The following STK4 variants were observed in gnomAD, a reference collection of about 807,000 sequenced individuals.
The protein encoded by STK4 is serine/threonine kinase 4.
A neutral mutation model predicts 64.9 loss-of-function variants in STK4; 30 were observed. That is an observed-to-expected ratio of 0.46 (90% CI 0.35 to 0.63). The LOEUF is 0.63. STK4 is among the 20% of genes least tolerant of loss of function. The probability of loss-of-function intolerance (pLI) is 0.01; values close to 1 mark genes in which losing one functional copy is unlikely to be tolerated. For missense variants in STK4, 466 were observed against 598.5 expected, an observed-to-expected ratio of 0.78 and a Z score of 2.31; for synonymous variants, 177 against 199.0, an observed-to-expected ratio of 0.89 and a Z score of 0.93.
At chr20:45,008,027 C>T (rs1338697213) in intron 9 of STK4, among the ~76,000 whole-genome samples, 1 of 152,166 alleles carries the variant, frequency 6.6e-6, no homozygotes, top group African/African-American at 2.4e-5. Flanking sequence ...AGAATTATGG[C>T]CTCCAGCTCC....
intron 10 of STK4, among the ~76,000 whole-genome samples, chr20:45,051,953 C>T (rs781427982): frequency 6.6e-6 from 1 of 152,130 alleles, no homozygotes; most frequent in Non-Finnish European, 1.5e-5. Context: ...ATAGGGCTGT[C>T]GTGAGTATCA....
At position 45,041,077 on chromosome 20, in the gene STK4, A is replaced by T. The variant is rs147141797; in HGVS notation, c.1305+15947A>T. On this transcript the variant is annotated intron_variant, in intron 10 of 10. Transcript: ENST00000372806. Reference sequence around the variant, plus strand: ...TTATTATATGTTAAAGCTACTGGGAATAATTTCTACGTGGTTATGCCACAA... The same window carrying T: ...TTATTATATGTTAAAGCTACTGGGATTAATTTCTACGTGGTTATGCCACAA... Among the ~76,000 whole-genome samples, 820 of 152,362 alleles carry T rather than the reference A, an allele frequency of 5.4e-3. 9 individuals are homozygous for T. The highest frequency in any genetic ancestry group is 0.017 in the African/African-American group (724 of 41,594).
At chr20:44,985,424 A>T (rs1193498001) in intron 4 of STK4, among the ~76,000 whole-genome samples, 1 of 151,758 alleles carries the variant, frequency 6.6e-6, no homozygotes, top group Non-Finnish European at 1.5e-5. Flanking sequence ...GCTCACTGCA[A>T]TCTCCGCCTC....
chr20:44,971,592 T>C (rs2067246620), intron 1 of STK4, among the ~76,000 whole-genome samples: 1 of 151,950 alleles, frequency 6.6e-6, no homozygotes, highest in African/African-American at 2.4e-5. Flanking sequence ...TTTTAATTCA[T>C]GAAATCTCAA....
At chr20:44,986,264 C>T (rs1033578481) in intron 4 of STK4, among the ~76,000 whole-genome samples, 1 of 152,034 alleles carries the variant, frequency 6.6e-6, no homozygotes, top group African/African-American at 2.4e-5. Flanking sequence ...AGTAAGAAAG[C>T]CCTCTCCATT....
At chr20:45,007,871 G>A (rs750930553) in intron 9 of STK4, 89 of 329,910 alleles carry the variant, frequency 2.7e-4, no homozygotes, top group Non-Finnish European at 5.0e-4. Context: ...CTAGTTTTTC[G>A]ACCCATGGTC....
intron 5 of STK4, among the ~76,000 whole-genome samples, chr20:44,992,211 C>T (rs181098463): frequency 1.3e-5 from 2 of 151,710 alleles, no homozygotes; most frequent in Admixed American, 1.3e-4. Flanking sequence ...TTCTCCTTAA[C>T]ATTATAGAAT....
intron 2 of STK4, 116 bp downstream of exon 2, chr20:44,972,274 T>C (rs2067261469): frequency 1.1e-6 from 1 of 871,096 alleles, no homozygotes; most frequent in Admixed American, 2.3e-5. Flanking sequence ...AAGGTAAATT[T>C]ACAGCTTGTG....
rs549185434 is a variant in STK4, at chr20:44,992,272, T to A, written c.526-2818T>A. ...TTATTATTTTATTTTATTTTATTTT[T>A]TTTTGAGACAAGGTCTTGCCCTGGC... On this transcript the variant is annotated intron_variant, in intron 5 of 10. Transcript: ENST00000372806. 1.2e-4 allele frequency among the ~76,000 whole-genome samples: 18 copies of A among 151,534 alleles called. No homozygotes were observed. The East Asian group carries it at 1.4e-3, about 11-fold the overall frequency.
chr20:44,978,628 T>C, intron 3 of STK4, 57 bp downstream of exon 3: 2 of 1,576,834 alleles, frequency 1.3e-6, no homozygotes, highest in Non-Finnish European at 1.7e-6. Flanking sequence ...GCTATGATTG[T>C]GTAGAGTTTG....
At chr20:44,983,869 C>G (rs2067482545) in intron 4 of STK4, among the ~76,000 whole-genome samples, 2 of 152,038 alleles carry the variant, frequency 1.3e-5, no homozygotes, top group Non-Finnish European at 2.9e-5. Flanking sequence ...TTGGATTATT[C>G]ATATACTATC....
chr20:44,985,370 C>T (rs891396944), intron 4 of STK4, among the ~76,000 whole-genome samples: 4 of 152,078 alleles, frequency 2.6e-5, no homozygotes, highest in Non-Finnish European at 4.4e-5. Flanking sequence ...ATTTTTGAGA[C>T]AGAGTCTGGC....
At chr20:44,991,422 G>C (rs761360103) in intron 5 of STK4, among the ~76,000 whole-genome samples, 31 of 152,210 alleles carry the variant, frequency 2.0e-4, no homozygotes, top group Non-Finnish European at 4.0e-4. Context: ...TATTGGCAAA[G>C]TGCTTTTGAT....
chr20:45,030,359 C>T (rs2068423045), intron 10 of STK4, among the ~76,000 whole-genome samples: 1 of 152,206 alleles, frequency 6.6e-6, no homozygotes, highest in South Asian at 2.1e-4. Flanking sequence ...TCTCTTTGGC[C>T]TCCCAAAGTG....
intron 9 of STK4, among the ~76,000 whole-genome samples, chr20:45,010,017 ATTTC>A (rs34629627): frequency 0.25 from 37,294 of 151,768 alleles, 5,369 homozygotes; most frequent in Middle Eastern, 0.42. Flanking sequence ...AGTGCATTTT[ATTTC>A]TTTCTTTTGC....
chr20:44,972,474 T>C (rs980320502), intron 2 of STK4: 5 of 194,384 alleles, frequency 2.6e-5, no homozygotes, highest in Middle Eastern at 2.0e-3. Flanking sequence ...AATTTCTGAT[T>C]GGTATGCAAT....
At chr20:45,059,847 G>A (rs186515681) in intron 10 of STK4, among the ~76,000 whole-genome samples, 17 of 151,944 alleles carry the variant, frequency 1.1e-4, no homozygotes, top group African/African-American at 4.1e-4. Context: ...TTTGATTTTG[G>A]TATGCATGGA....
At chr20:44,997,430 G>A (rs925645063) in intron 7 of STK4, 124 bp downstream of exon 7, 22 of 1,236,680 alleles carry the variant, frequency 1.8e-5, no homozygotes, top group East Asian at 2.6e-5. Context: ...AGTGGCTCAC[G>A]CCTGTAATCG....
chr20:44,996,973 G>T (rs557493371), intron 6 of STK4, among the ~76,000 whole-genome samples, 196 bp from the exon 7 acceptor site: 1 of 152,074 alleles, frequency 6.6e-6, no homozygotes, highest in East Asian at 1.9e-4. Flanking sequence ...TATGAGAGAG[G>T]GAAAAGGAGA....
Sources: gnomAD v4.1 joint callset for allele counts (sites outside exome capture counted in the v4.1 genomes callset) on GRCh38, gnomAD v4.1.1 for gene constraint, MANE v1.5 for transcripts, NCBI Gene and HGNC (gene_info 2026-07-23, HGNC 2026-07-21) for gene names.